The following ME1 variants were observed in gnomAD, a reference collection of about 807,000 sequenced individuals.
ME1 encodes the protein malic enzyme 1, also known as NADP-dependent malic enzyme.
Under a neutral mutation model 66.4 loss-of-function variants are expected in ME1, and 74 were observed. The observed-to-expected ratio is 1.11, with a 90% CI of 0.92 to 1.35. The LOEUF (loss-of-function observed/expected upper bound fraction) is 1.35. Ranked by LOEUF, ME1 falls within the 40% of genes most tolerant of loss-of-function variation. ME1 has a pLI of 0.00. For missense variants in ME1, 750 were observed against 694.1 expected, an observed-to-expected ratio of 1.08 and a Z score of -0.90; for synonymous variants, 251 against 235.6, an observed-to-expected ratio of 1.07 and a Z score of -0.60.
intron 6 of ME1, among the ~76,000 whole-genome samples, chr6:83,301,525 T>G (rs1365647046): frequency 1.3e-5 from 2 of 152,056 alleles, no homozygotes; most frequent in African/African-American, 4.8e-5. Context: ...GTATTTTTAG[T>G]AGACATGGGG....
At chr6:83,360,599 A>G (rs1282754329) in intron 3 of ME1, among the ~76,000 whole-genome samples, 1 of 152,190 alleles carries the variant, frequency 6.6e-6, no homozygotes, top group African/African-American at 2.4e-5. Context: ...GAAAGCCCAA[A>G]TGGAAACCAT....
chr6:83,395,417 T>A lies in ME1; in HGVS notation c.362+2950A>T, dbSNP rs185262229. ...CTTTCAAAACAAAAAGGAAATTAAT[T>A]TGCTATCTGTAAAAGGGAACCCAAA... On this transcript the variant is annotated intron_variant, in intron 3 of 13. Coordinates refer to ENST00000369705, the MANE Select transcript of ME1 (RefSeq NM_002395.6). Among the ~76,000 whole-genome samples, 745 of 151,998 alleles carry A rather than the reference T, an allele frequency of 4.9e-3. 3 individuals carry two copies. Among genetic ancestry groups the A allele is most frequent in the Non-Finnish European group, 8.7e-3 (589 of 67,962 alleles).
chr6:83,275,350 AAATAATAAT>A (rs142521561), intron 6 of ME1, among the ~76,000 whole-genome samples: 1 of 150,108 alleles, frequency 6.7e-6, no homozygotes, highest in Admixed American at 6.6e-5. Context: ...AGAAACAAAC[AAATAATAAT>A]AATAATAATA....
At chr6:83,430,555 G>A (rs575577722) in intron 1 of ME1, among the ~76,000 whole-genome samples, 2 of 152,296 alleles carry the variant, frequency 1.3e-5, no homozygotes, top group East Asian at 3.9e-4. Flanking sequence ...TCATTGTCTG[G>A]GCTCTTGTTT....
chr6:83,386,987 T>C (rs1583411926), intron 3 of ME1, among the ~76,000 whole-genome samples: 1 of 151,660 alleles, frequency 6.6e-6, no homozygotes, highest in African/African-American at 2.4e-5. Context: ...ACCCAGTTTA[T>C]GGTAGTTTAT....
At chr6:83,251,668 T>A (rs980929467) in intron 7 of ME1, among the ~76,000 whole-genome samples, 19 of 152,114 alleles carry the variant, frequency 1.2e-4, no homozygotes, top group Non-Finnish European at 1.5e-5. Context: ...AAGGGTATTC[T>A]AGGATGAGAG....
intron 5 of ME1, among the ~76,000 whole-genome samples, chr6:83,315,723 C>T (rs1768018682): frequency 6.6e-6 from 1 of 152,040 alleles, no homozygotes; most frequent in Non-Finnish European, 1.5e-5. Context: ...AACAGTGAAA[C>T]CCTGTCTCTA....
At chr6:83,263,925 G>A (rs1310839793) in intron 6 of ME1, among the ~76,000 whole-genome samples, 1 of 152,068 alleles carries the variant, frequency 6.6e-6, no homozygotes, top group Non-Finnish European at 1.5e-5. Context: ...AAATGAAGGT[G>A]GTTACATTAA....
At position 83,398,282 on chromosome 6, in the gene ME1, T is replaced by A. The variant is rs1321141162; in HGVS notation, c.362+85A>T. 3 of 927,294 alleles carry A rather than the reference T, an allele frequency of 3.2e-6. No homozygotes were observed. In the African/African-American group the frequency reaches 5.2e-5, roughly 16 times the overall value. 57.4% of individuals were successfully genotyped at this position (927,294 alleles called of 1,614,324 possible). The stretch of plus-strand genomic sequence containing the variant: ...TGCAATTTTATTGTCAAATTTAAAA[T>A]AATAATAATAAATTTTAAATTCGTT... On this transcript the variant is annotated intron_variant, in intron 3 of 13. Coordinates refer to ENST00000369705, the MANE Select transcript of ME1 (RefSeq NM_002395.6).
intron 3 of ME1, among the ~76,000 whole-genome samples, chr6:83,383,283 T>G (rs1420941972): frequency 6.6e-6 from 1 of 151,932 alleles, no homozygotes; most frequent in East Asian, 1.9e-4. Context: ...TCTGAATGAT[T>G]GTTTTACATT....
At position 83,321,269 on chromosome 6, in the gene ME1, C is replaced by A. The variant is rs1308083944; in HGVS notation, c.601-5856G>T. On this transcript the variant is annotated intron_variant, in intron 5 of 13. Coordinates refer to ENST00000369705, the MANE Select transcript of ME1 (RefSeq NM_002395.6). ...CAAGCTAGCTGCAGGAGTTTTTTTT[C>A]CATACCCCAGTGGCACCTAGAATGC... Among the ~76,000 whole-genome samples the A allele has an allele frequency of 2.6e-5, 4 of 151,998 alleles. No individual in the cohort carries two copies. The East Asian group carries it at 7.7e-4, about 29-fold the overall frequency.
intron 5 of ME1, among the ~76,000 whole-genome samples, chr6:83,322,705 G>A (rs973621876): frequency 2.6e-5 from 4 of 152,170 alleles, no homozygotes; most frequent in Non-Finnish European, 4.4e-5. Flanking sequence ...GTGATGGGGA[G>A]AATGGAACCA....
At chr6:83,414,172 C>T (rs1770114633) in intron 1 of ME1, among the ~76,000 whole-genome samples, 1 of 149,476 alleles carries the variant, frequency 6.7e-6, no homozygotes, top group African/African-American at 2.5e-5. Context: ...AACCTCATTT[C>T]CCCCCCAAAA....
At chr6:83,240,310 A>G (rs927388695) in intron 7 of ME1, among the ~76,000 whole-genome samples, 1 of 152,072 alleles carries the variant, frequency 6.6e-6, no homozygotes, top group Non-Finnish European at 1.5e-5. Context: ...TGGCAAGTAA[A>G]ATCTAATTAT....
At chr6:83,307,082 G>A (rs1037571798) in intron 6 of ME1, among the ~76,000 whole-genome samples, 3 of 152,076 alleles carry the variant, frequency 2.0e-5, no homozygotes, top group African/African-American at 7.2e-5. Context: ...TGACAGGGAT[G>A]CAAATCAAAT....
chr6:83,405,441 G>A (rs1769920548), intron 2 of ME1, among the ~76,000 whole-genome samples: 1 of 152,138 alleles, frequency 6.6e-6, no homozygotes, highest in South Asian at 2.1e-4. Context: ...ATAAAATCAT[G>A]TCATCTGCAA....
intron 5 of ME1, among the ~76,000 whole-genome samples, chr6:83,330,007 A>G (rs1768374015): frequency 6.6e-6 from 1 of 152,036 alleles, no homozygotes; most frequent in South Asian, 2.1e-4. Flanking sequence ...TTTTGCAGAG[A>G]CAAGGTCTTG....
chr6:83,392,906 C>G (rs996150317), intron 3 of ME1: 2 of 803,346 alleles, frequency 2.5e-6, no homozygotes, highest in Non-Finnish European at 4.4e-6. Context: ...CCAAGGTCAT[C>G]CATGACAACT....
At chr6:83,401,144 T>C (rs1769830220) in intron 2 of ME1, among the ~76,000 whole-genome samples, 1 of 152,152 alleles carries the variant, frequency 6.6e-6, no homozygotes, top group Non-Finnish European at 1.5e-5. Context: ...ATTTACCAAT[T>C]TGTATTACTA....
Sources: gnomAD v4.1 joint callset for allele counts (sites outside exome capture counted in the v4.1 genomes callset) on GRCh38, gnomAD v4.1.1 for gene constraint, MANE v1.5 for transcripts, NCBI Gene and HGNC (gene_info 2026-07-23, HGNC 2026-07-21) for gene names.